PHF21B: variants seen among roughly 807,000 people sequenced by gnomAD.
PHF21B encodes the protein PHD finger protein 21B.
A neutral mutation model predicts 62.2 loss-of-function variants in PHF21B; 22 were observed. That is an observed-to-expected ratio of 0.35 (90% CI 0.25 to 0.51). PHF21B has a LOEUF of 0.51. Ranked by LOEUF, PHF21B falls within the 20% of genes least tolerant of loss-of-function variation. The pLI is 0.97. For synonymous variants in PHF21B, 341 were observed against 314.7 expected (o/e 1.08, Z -0.88); for missense variants, 701 against 707.9 (o/e 0.99, Z 0.11).
At chr22:44,972,174 T>C (rs1309471073) in intron 2 of PHF21B, among the ~76,000 whole-genome samples, 1 of 152,256 alleles carries the variant, frequency 6.6e-6, no homozygotes, top group Admixed American at 6.5e-5. Context: ...GCTTTGAAAT[T>C]CAAGTTCCTT....
intron 2 of PHF21B, among the ~76,000 whole-genome samples, chr22:44,931,648 G>T (rs1190687006): frequency 6.6e-6 from 1 of 151,378 alleles, no homozygotes; most frequent in African/African-American, 2.4e-5. Context: ...CTTGGGGGGG[G>T]GGTGTCAAAA....
chr22:44,932,880 T>G (rs1469490657), intron 2 of PHF21B, among the ~76,000 whole-genome samples: 1 of 152,340 alleles, frequency 6.6e-6, no homozygotes, highest in East Asian at 1.9e-4. Context: ...GCACAGAGCT[T>G]AGGCCACAGC....
At chr22:44,902,310 A>C (rs781600871) in intron 5 of PHF21B, 5 of 316,220 alleles carry the variant, frequency 1.6e-5, no homozygotes, top group Non-Finnish European at 2.5e-5. Context: ...GTTGATCATC[A>C]AAAAGCTGTG....
intron 9 of PHF21B, 108 bp from the exon 10 acceptor site, chr22:44,888,229 T>G (rs1328218098): frequency 8.2e-7 from 1 of 1,221,152 alleles, no homozygotes; most frequent in East Asian, 3.0e-5. Flanking sequence ...ATGTGGCCGC[T>G]CTTCTGCCAA....
chr22:44,943,106 C>T (rs1054454422), intron 2 of PHF21B, among the ~76,000 whole-genome samples: 1 of 152,098 alleles, frequency 6.6e-6, no homozygotes, highest in Non-Finnish European at 1.5e-5. Flanking sequence ...CAAGCCAGCC[C>T]CTCCTGCCCA....
intron 2 of PHF21B, among the ~76,000 whole-genome samples, chr22:44,924,393 C>T (rs2071593504): frequency 6.6e-6 from 1 of 152,148 alleles, no homozygotes; most frequent in African/African-American, 2.4e-5. Flanking sequence ...TTATGTATGG[C>T]AATGAACAGA....
intron 10 of PHF21B, among the ~76,000 whole-genome samples, chr22:44,886,556 G>A (rs1374599461): frequency 2.6e-5 from 4 of 152,078 alleles, no homozygotes; most frequent in Non-Finnish European, 5.9e-5. Flanking sequence ...CCATGGTGGT[G>A]TGTACCTGTG....
intron 2 of PHF21B, among the ~76,000 whole-genome samples, chr22:44,993,203 C>G (rs1367956602): frequency 1.3e-5 from 2 of 152,190 alleles, no homozygotes; most frequent in African/African-American, 4.8e-5. Context: ...GGGCTCCATT[C>G]TGGCTGGGAT....
intron 2 of PHF21B, among the ~76,000 whole-genome samples, chr22:44,921,890 C>T (rs2071544876): frequency 6.6e-6 from 1 of 151,826 alleles, no homozygotes; most frequent in Non-Finnish European, 1.5e-5. Context: ...AACTCCTAAC[C>T]TCAGGTGATC....
At chr22:44,985,010 T>C (rs191822841) in intron 2 of PHF21B, among the ~76,000 whole-genome samples, 150 of 152,310 alleles carry the variant, frequency 9.8e-4, no homozygotes, top group African/African-American at 3.4e-3. Context: ...GGGTTTTCTG[T>C]TATCCTGTTA....
chr22:44,990,561 A>G (rs2073027549), intron 2 of PHF21B, among the ~76,000 whole-genome samples: 1 of 152,272 alleles, frequency 6.6e-6, no homozygotes, highest in Non-Finnish European at 1.5e-5. Context: ...AAGTGAAAAA[A>G]GCCAGTGGCA....
intron 2 of PHF21B, among the ~76,000 whole-genome samples, chr22:44,947,827 C>T (rs2072106017): frequency 6.6e-6 from 1 of 152,084 alleles, no homozygotes; most frequent in South Asian, 2.1e-4. Context: ...GCTTGGTGTG[C>T]TTCCTTTTCT....
intron 2 of PHF21B, among the ~76,000 whole-genome samples, chr22:44,998,838 C>T (rs1249599016): frequency 6.6e-6 from 1 of 152,174 alleles, no homozygotes; most frequent in Non-Finnish European, 1.5e-5. Context: ...GAATCACGCC[C>T]GGTGCGTACA....
At chr22:44,885,635 C>T in intron 11 of PHF21B, 106 bp from the exon 12 acceptor site, 1 of 1,196,518 alleles carries the variant, frequency 8.4e-7, no homozygotes, top group Non-Finnish European at 1.2e-6. Flanking sequence ...CTAGGACATC[C>T]CCCTGAAGAA....
chr22:44,943,590 G>A (rs1423412300), intron 2 of PHF21B, among the ~76,000 whole-genome samples: 1 of 152,032 alleles, frequency 6.6e-6, no homozygotes, highest in African/African-American at 2.4e-5. Flanking sequence ...TAGAGTCCTG[G>A]CAGCTGGCTC....
chr22:44,916,286 G>C lies in PHF21B; in HGVS notation c.558C>G (p.Asp186Glu). Residue 186 changes from aspartate to glutamate, a missense_variant, in exon 4 of 13, where the codon GAC becomes GAG. By Grantham distance (45) the Asp-to-Glu change is conservative. Transcript: ENST00000313237. ...CCTGCTGGTGGGCACTCACCTTGTT[G>C]TCAGCACTGATGAGGAGGGGCTGGA... is the stretch of plus-strand genomic sequence containing the variant. ...IKVQPLLISA[D>E]NKPPPRLLSS... 1 of 1,608,612 alleles carries C rather than the reference G, an allele frequency of 6.2e-7. No individual in the cohort carries two copies. Among genetic ancestry groups the C allele is most frequent in the Non-Finnish European group, 8.5e-7 (1 of 1,179,092 alleles).
In PHF21B at chr22:44,914,031, G is replaced by A; in HGVS notation, c.622C>T (p.Pro208Ser). ...GGAGGGGTGAGGGGAAGAGAGGAGGGGTGGAGGGGACAGTGATGGGTTGCG... is the reference window on the plus strand; with the variant it reads ...GGAGGGGTGAGGGGAAGAGAGGAGGAGTGGAGGGGACAGTGATGGGTTGCG... ...HPATHHCPLH[P>S]SSLPLTPPSP... Residue 208 changes from proline to serine, a missense_variant, in exon 5 of 13, where the codon CCC (proline) becomes TCC (serine). Transcript: ENST00000313237. 2 of 1,388,164 alleles carry A rather than the reference G, an allele frequency of 1.4e-6. No individual in the cohort carries two copies. The highest frequency in any genetic ancestry group is 1.0e-6 in the Non-Finnish European group (1 of 985,620). 86.0% of individuals were successfully genotyped at this position (1,388,164 alleles called of 1,614,324 possible).
chr22:44,905,838 C>T (rs1401365075), intron 5 of PHF21B, among the ~76,000 whole-genome samples: 1 of 152,156 alleles, frequency 6.6e-6, no homozygotes, highest in African/African-American at 2.4e-5. Context: ...CCGTGTTAGC[C>T]AGGATGGTCT....
intron 2 of PHF21B, among the ~76,000 whole-genome samples, chr22:44,961,734 G>C (rs773482945): frequency 2.6e-5 from 4 of 151,946 alleles, no homozygotes; most frequent in Non-Finnish European, 5.9e-5. Context: ...CCAGCTATTC[G>C]AGAGGCAGAG....
Sources: gnomAD v4.1 joint callset for allele counts (sites outside exome capture counted in the v4.1 genomes callset) on GRCh38, gnomAD v4.1.1 for gene constraint, MANE v1.5 for transcripts, NCBI Gene and HGNC (gene_info 2026-07-23, HGNC 2026-07-21) for gene names.